Variants in SDK1 observed in about 807,000 individuals in gnomAD.
SDK1 encodes protein sidekick-1.
Under a neutral mutation model 245.5 loss-of-function variants are expected in SDK1, and 157 were observed. That is an observed-to-expected ratio of 0.64 (90% confidence interval 0.56 to 0.73). SDK1 has a LOEUF of 0.73. SDK1 is among the 30% of genes least tolerant of loss of function. The pLI, the probability that SDK1 is intolerant of heterozygous loss-of-function variation, is 0.00. For missense variants in SDK1, 3,583 were observed against 3,002.3 expected (o/e 1.19, Z -4.52); for synonymous variants, 1,647 against 1,278.5 (o/e 1.29, Z -6.15).
At chr7:3,520,630 G>T (rs1314159032) in intron 1 of SDK1, among the ~76,000 whole-genome samples, 1 of 151,982 alleles carries the variant, frequency 6.6e-6, no homozygotes, top group Non-Finnish European at 1.5e-5. Context: ...TAAGAATTCA[G>T]TTTGGCTATG....
intron 1 of SDK1, among the ~76,000 whole-genome samples, chr7:3,427,041 C>T (rs1402912915): frequency 6.6e-6 from 1 of 152,174 alleles, no homozygotes. Flanking sequence ...CCTCATTTTG[C>T]ACAGTGATGC....
Position 3,455,919 on chromosome 7 carries a change from A to G in SDK1, c.298+154035A>G, listed in dbSNP as rs114063566. On this transcript the variant is annotated intron_variant, in intron 1 of 44. Transcript: ENST00000404826. The stretch of plus-strand genomic sequence containing the variant: ...TTCTATGCATATAAGTTGACATTCT[A>G]TGCTTAGTCACAAATTCTTTCAGTT... Among the ~76,000 whole-genome samples the G allele has an allele frequency of 3.8e-3, 586 of 152,324 alleles. 4 individuals are homozygous for G. Among genetic ancestry groups the G allele is most frequent in the African/African-American group, 0.013 (558 of 41,576 alleles).
chr7:3,592,485 C>G (rs1276201768), intron 1 of SDK1, among the ~76,000 whole-genome samples: 1 of 152,232 alleles, frequency 6.6e-6, no homozygotes, highest in Non-Finnish European at 1.5e-5. Context: ...TTCTTTCTCT[C>G]TACCTCCTCG....
intron 25 of SDK1, among the ~76,000 whole-genome samples, chr7:4,115,651 G>A (rs2128192377): frequency 6.6e-6 from 1 of 152,226 alleles, no homozygotes; most frequent in Non-Finnish European, 1.5e-5. Flanking sequence ...TCTTGAAGCT[G>A]GGGAGTCAAG....
At chr7:4,048,585 C>A (rs1420730798) in intron 17 of SDK1, among the ~76,000 whole-genome samples, 6 of 152,018 alleles carry the variant, frequency 3.9e-5, no homozygotes, top group Admixed American at 1.3e-4. Flanking sequence ...GTGCCCTTCT[C>A]AAGAACTTAC....
At chr7:3,451,002 C>T (rs1268937756) in intron 1 of SDK1, among the ~76,000 whole-genome samples, 1 of 152,132 alleles carries the variant, frequency 6.6e-6, no homozygotes, top group African/African-American at 2.4e-5. Flanking sequence ...CACATCAGCT[C>T]ATCCTCAAAC....
At chr7:3,526,172 G>A (rs774023549) in intron 1 of SDK1, among the ~76,000 whole-genome samples, 2 of 152,030 alleles carry the variant, frequency 1.3e-5, no homozygotes, top group Non-Finnish European at 2.9e-5. Flanking sequence ...GGTGGAGGTT[G>A]CTGTGAGCCG....
At chr7:3,461,943 G>A (rs1004717316) in intron 1 of SDK1, among the ~76,000 whole-genome samples, 4 of 151,864 alleles carry the variant, frequency 2.6e-5, no homozygotes, top group African/African-American at 4.8e-5. Context: ...CAGTTTCATC[G>A]GCATTTAAGC....
intron 1 of SDK1, among the ~76,000 whole-genome samples, chr7:3,519,204 A>C (rs1215827476): frequency 6.6e-6 from 1 of 152,134 alleles, no homozygotes; most frequent in Non-Finnish European, 1.5e-5. Context: ...AGATAGGAAG[A>C]ATCAGTTCAA....
chr7:4,116,099 G>C (rs1043579487), intron 25 of SDK1, among the ~76,000 whole-genome samples: 4 of 152,120 alleles, frequency 2.6e-5, no homozygotes, highest in Admixed American at 6.5e-5. Flanking sequence ...CCCGGGCCTG[G>C]CCTGTCTGCT....
intron 1 of SDK1, among the ~76,000 whole-genome samples, chr7:3,361,152 A>G (rs543169898): frequency 2.6e-5 from 4 of 152,328 alleles, no homozygotes; most frequent in Non-Finnish European, 4.4e-5. Flanking sequence ...AGTTTTTTCT[A>G]TATTACAATT....
At chr7:4,211,858 C>G (rs1023385129) in intron 38 of SDK1, among the ~76,000 whole-genome samples, 1 of 152,314 alleles carries the variant, frequency 6.6e-6, no homozygotes, top group East Asian at 1.9e-4. Context: ...ATCCACCTGC[C>G]TCGGCCTCCC....
At chr7:4,055,472 T>A (rs189817120) in intron 19 of SDK1, among the ~76,000 whole-genome samples, 48 of 152,320 alleles carry the variant, frequency 3.2e-4, no homozygotes, top group African/African-American at 8.4e-4. Flanking sequence ...TCTGGCTTTT[T>A]AATGTTGTCA....
intron 5 of SDK1, among the ~76,000 whole-genome samples, chr7:3,894,536 G>T (rs1426095025): frequency 7.1e-6 from 1 of 140,952 alleles, no homozygotes; most frequent in Non-Finnish European, 1.5e-5. Flanking sequence ...CCACTGAAAG[G>T]AACCCTGAGC....
At position 4,149,468 on chromosome 7, in the gene SDK1, T is replaced by C. The variant is rs752346652; in HGVS notation, c.4625+5T>C. The C allele has an allele frequency of 2.0e-6, 3 of 1,468,658 alleles. No homozygotes were observed. Among genetic ancestry groups the C allele is most frequent in the Admixed American group, 2.5e-5 (1 of 40,586 alleles). 91.0% of individuals were successfully genotyped at this position (1,468,658 alleles called of 1,614,324 possible). On this transcript the variant is annotated splice_donor_5th_base_variant and intron_variant, in intron 30 of 44. Coordinates refer to ENST00000404826, the MANE Select transcript of SDK1 (RefSeq NM_152744.4). ...GACAGCATGCGTCGTTGACAGGTAC[T>C]GAGAGAGCAGGAGCACCTCCCCGGG...
chr7:3,866,125 A>G (rs1039977011), intron 5 of SDK1, among the ~76,000 whole-genome samples: 3 of 152,220 alleles, frequency 2.0e-5, no homozygotes, highest in African/African-American at 7.2e-5. Flanking sequence ...ACATGCATAA[A>G]GTCCTTTCAG....
chr7:3,369,429 T>A (rs1179977853), intron 1 of SDK1, among the ~76,000 whole-genome samples: 1 of 152,116 alleles, frequency 6.6e-6, no homozygotes, highest in Non-Finnish European at 1.5e-5. Context: ...TGTGTAGATG[T>A]GACAGAGATT....
At chr7:3,945,188 G>C (rs1176388670) in intron 5 of SDK1, among the ~76,000 whole-genome samples, 1 of 152,150 alleles carries the variant, frequency 6.6e-6, no homozygotes, top group South Asian at 2.1e-4. Flanking sequence ...GATTAAAAAG[G>C]TAGATGAACA....
At chr7:3,986,548 C>T (rs1015451077) in intron 13 of SDK1, among the ~76,000 whole-genome samples, 5 of 152,124 alleles carry the variant, frequency 3.3e-5, no homozygotes, top group East Asian at 1.9e-4. Flanking sequence ...AATTGTTGAC[C>T]ACGTTTTCTC....
Sources: allele counts gnomAD v4.1 joint callset (sites outside exome capture counted in the v4.1 genomes callset), GRCh38; gene constraint gnomAD v4.1.1; transcripts MANE v1.5; gene names NCBI Gene and HGNC (gene_info 2026-07-23, HGNC 2026-07-21).